Variants in MGST2 observed in about 807,000 individuals in gnomAD.
The protein encoded by MGST2 is glutathione peroxidase MGST2.
A neutral mutation model predicts 16.6 loss-of-function variants in MGST2; 9 were observed. That is an observed-to-expected ratio of 0.54 (90% CI 0.33 to 0.95). MGST2 has a LOEUF of 0.95. Among genes scored for constraint, MGST2 ranks in the 40% least tolerant of loss-of-function variants. The pLI is 0.03. For synonymous variants in MGST2, 79 were observed against 68.0 expected, an observed-to-expected ratio of 1.16 and a Z score of -0.79; for missense variants, 159 against 175.1, an observed-to-expected ratio of 0.91 and a Z score of 0.52.
intron 5 of MGST2, among the ~76,000 whole-genome samples, chr4:139,728,777 C>T (rs2110982050): frequency 6.6e-6 from 1 of 152,340 alleles, no homozygotes; most frequent in Admixed American, 6.5e-5. Context: ...TGTCTCTTCT[C>T]ACACTCTTCC....
intron 1 of MGST2, among the ~76,000 whole-genome samples, chr4:139,672,576 A>G (rs918505741): frequency 7.1e-6 from 1 of 140,310 alleles, no homozygotes; most frequent in Admixed American, 7.1e-5. Context: ...GCATTTACAC[A>G]CTTTTTTTTT....
intron 2 of MGST2, among the ~76,000 whole-genome samples, chr4:139,682,309 G>T (rs1391034650): frequency 2.0e-5 from 3 of 152,114 alleles, no homozygotes; most frequent in Admixed American, 2.0e-4. Context: ...TTCCTGGGGG[G>T]TAAGTTGGGT....
intron 3 of MGST2, among the ~76,000 whole-genome samples, chr4:139,702,843 G>GTTTTTTTTTTTTTT (rs1727325108): frequency 1.1e-4 from 3 of 27,602 alleles, no homozygotes; most frequent in Admixed American, 4.4e-4. Flanking sequence ...TTGTGTTACT[G>GTTTTTTTTTTTTTT]GTTTTTTTTT....
downstream of MGST2, among the ~76,000 whole-genome samples, chr4:139,744,667 G>A (rs1729266174): frequency 6.6e-6 from 1 of 152,318 alleles, no homozygotes; most frequent in East Asian, 1.9e-4. Flanking sequence ...AATGGCAGGG[G>A]CTATGGTGGG....
intron 2 of MGST2, among the ~76,000 whole-genome samples, chr4:139,685,900 G>T (rs1731535298): frequency 6.6e-6 from 1 of 152,170 alleles, no homozygotes; most frequent in Non-Finnish European, 1.5e-5. Flanking sequence ...CTGACCTCAA[G>T]TGATCCACCC....
intron 2 of MGST2, among the ~76,000 whole-genome samples, chr4:139,690,928 C>T (rs1726538939): frequency 6.6e-6 from 1 of 152,176 alleles, no homozygotes; most frequent in African/African-American, 2.4e-5. Flanking sequence ...CAAGGGGTCT[C>T]AGCAGCTTTA....
intron 5 of MGST2, chr4:139,720,303 C>A (rs1237963347): frequency 6.5e-7 from 1 of 1,546,764 alleles, no homozygotes; most frequent in Admixed American, 1.9e-5. Flanking sequence ...CTTCTTACGG[C>A]TGCTATATCC....
chr4:139,747,016 T>C, the MGST2 span, among the ~76,000 whole-genome samples: 2 of 152,150 alleles, frequency 1.3e-5, no homozygotes, highest in African/African-American at 4.8e-5. Flanking sequence ...AGCAATTGCT[T>C]CTCACTGTTC....
chr4:139,731,835 C>G (rs1283509539), intron 5 of MGST2, among the ~76,000 whole-genome samples: 1 of 152,180 alleles, frequency 6.6e-6, no homozygotes, highest in Non-Finnish European at 1.5e-5. Context: ...ATGCTCTGAG[C>G]TGGACAGTGT....
At chr4:139,746,721 C>T in the MGST2 span, among the ~76,000 whole-genome samples, 1 of 152,198 alleles carries the variant, frequency 6.6e-6, no homozygotes, top group Non-Finnish European at 1.5e-5. Context: ...TCACCTCCCC[C>T]CTTCTCCTCC....
intron 5 of MGST2, among the ~76,000 whole-genome samples, chr4:139,720,491 C>T (rs1418395279): frequency 6.6e-6 from 1 of 152,148 alleles, no homozygotes; most frequent in Non-Finnish European, 1.5e-5. Flanking sequence ...ATAGCATATG[C>T]TGATTGTGAA....
intron 5 of MGST2, chr4:139,725,915 G>A (rs961286121): frequency 1.7e-6 from 2 of 1,199,708 alleles, no homozygotes; most frequent in Admixed American, 1.8e-5. Flanking sequence ...CAGTTCCGAG[G>A]AAGGTAGTGT....
rs547117093 is a variant in MGST2, at chr4:139,697,581, C to T, written c.229+2314C>T. On this transcript the variant is annotated intron_variant, in intron 3 of 4. Coordinates refer to ENST00000265498, the MANE Select transcript of MGST2 (RefSeq NM_002413.5). ...GTCATACAAGGATTTTGCTTTTTCT[C>T]GAATCCTATTAGAGTCTACAAGTAT... is the stretch of plus-strand genomic sequence containing the variant. 4.5e-4 allele frequency among the ~76,000 whole-genome samples: 69 copies of T among 152,262 alleles called. 2 individuals are homozygous for T. The South Asian group carries it at 7.3e-3, about 16-fold the overall frequency.
At chr4:139,681,100 T>C (rs758152033) in intron 2 of MGST2, among the ~76,000 whole-genome samples, 15 of 152,182 alleles carry the variant, frequency 9.9e-5, no homozygotes, top group Non-Finnish European at 5.9e-5. Context: ...CACTGCAGCC[T>C]TGACCTGCCA....
chr4:139,714,831 G>A (rs1210469757), intron 5 of MGST2, among the ~76,000 whole-genome samples: 2 of 152,132 alleles, frequency 1.3e-5, no homozygotes, highest in African/African-American at 4.8e-5. Context: ...GGCTGCTGTC[G>A]GTGGAGCAAG....
At chr4:139,726,224 C>G (rs754918989) in intron 5 of MGST2, among the ~76,000 whole-genome samples, 6 of 152,184 alleles carry the variant, frequency 3.9e-5, no homozygotes, top group Non-Finnish European at 7.4e-5. Flanking sequence ...TTGCATTCAC[C>G]ACTGTATTTG....
chr4:139,691,891 G>A (rs911615946), intron 2 of MGST2, among the ~76,000 whole-genome samples: 1 of 151,992 alleles, frequency 6.6e-6, no homozygotes, highest in South Asian at 2.1e-4. Flanking sequence ...AAGTAGAGAC[G>A]GGGTTTCACC....
the MGST2 span, among the ~76,000 whole-genome samples, chr4:139,753,387 T>TC: frequency 5.3e-5 from 8 of 150,768 alleles, no homozygotes; most frequent in South Asian, 6.3e-4. Flanking sequence ...TATCTATCTA[T>TC]TTTTTGTTAG....
chr4:139,687,349 G>T (rs1415685490), intron 2 of MGST2, among the ~76,000 whole-genome samples: 1 of 152,184 alleles, frequency 6.6e-6, no homozygotes, highest in Non-Finnish European at 1.5e-5. Context: ...CTAAGGCGTA[G>T]GATAAATCGG....
Sources: gnomAD v4.1 joint callset for allele counts (sites outside exome capture counted in the v4.1 genomes callset) on GRCh38, gnomAD v4.1.1 for gene constraint, MANE v1.5 for transcripts, NCBI Gene and HGNC (gene_info 2026-07-23, HGNC 2026-07-21) for gene names.